The following TJP2 variants were observed in gnomAD, a reference collection of about 807,000 sequenced individuals.
TJP2 encodes the protein Friedreich ataxia region gene X104 (tight junction protein ZO-2).
A neutral mutation model predicts 133.1 loss-of-function variants in TJP2; 91 were observed. That is an observed-to-expected ratio of 0.68 (90% CI 0.58 to 0.81). The LOEUF is 0.81. Ranked by LOEUF, TJP2 falls within the 40% of genes least tolerant of loss-of-function variation. TJP2 has a pLI of 0.00. For missense variants in TJP2, 1,541 were observed against 1,565.6 expected, an observed-to-expected ratio of 0.98 and a Z score of 0.26; for synonymous variants, 592 against 583.4, an observed-to-expected ratio of 1.01 and a Z score of -0.21.
In TJP2 at chr9:69,236,082, A is replaced by G. The variant is rs1830166546; in HGVS notation, c.1835A>G (p.His612Arg). The change falls in exon 13 of 23, where the codon CAC (histidine) becomes CGC (arginine). Residue 612 changes from histidine (H) to arginine (R), a missense_variant. By Grantham distance (29) the His-to-Arg change is conservative. Coordinates refer to ENST00000377245, the MANE Select transcript of TJP2 (RefSeq NM_004817.4). The part of the protein sequence containing the change: ...GRGDSFFIRS[H>R]FECEKETPQS... ...GGGGATTCGTTTTTTATAAGAAGCCACTTTGAATGTGAGAAGGAAACTCCA... is the reference window on the plus strand; with the variant it reads ...GGGGATTCGTTTTTTATAAGAAGCCGCTTTGAATGTGAGAAGGAAACTCCA... 1 of 1,614,072 alleles carries G rather than the reference A, an allele frequency of 6.2e-7. No homozygotes were observed. The highest frequency in any genetic ancestry group is 1.3e-5 in the African/African-American group (1 of 74,920).
At chr9:69,195,707 A>T (rs1419955731) in intron 1 of TJP2, among the ~76,000 whole-genome samples, 1 of 152,198 alleles carries the variant, frequency 6.6e-6, no homozygotes, top group Non-Finnish European at 1.5e-5. Context: ...GTGTTCACAA[A>T]GGCGTAGGCA....
At chr9:69,152,399 G>A (rs561662664) in intron 2 of TJP2, among the ~76,000 whole-genome samples, 1 of 152,256 alleles carries the variant, frequency 6.6e-6, no homozygotes, top group African/African-American at 2.4e-5. Flanking sequence ...ATGGCTAGCT[G>A]GAATGGGGTT....
At chr9:69,150,493 C>T (rs1430701401) in intron 1 of TJP2, among the ~76,000 whole-genome samples, 3 of 151,768 alleles carry the variant, frequency 2.0e-5, no homozygotes, top group East Asian at 1.9e-4. Flanking sequence ...GGGGTTTCAC[C>T]ATGTTGGCCA....
chr9:69,246,763 A>G lies in TJP2; in HGVS notation c.2640A>G (p.Gly880=), dbSNP rs897244187. 7 of 1,614,038 alleles carry G rather than the reference A, an allele frequency of 4.3e-6. No individual in the cohort carries two copies. The highest frequency in any genetic ancestry group is 8.5e-7 in the Non-Finnish European group (1 of 1,180,026). Residue 880 remains glycine (G), a synonymous_variant, in exon 18 of 23, where the codon GGA becomes GGG. Coordinates refer to ENST00000377245, the MANE Select transcript of TJP2 (RefSeq NM_004817.4). ...AGGACACTATTCAGCATCAGCAAGGAGAAGCGGTTTGGGTCTCTGAAGGAA... is the reference window on the plus strand; with the variant it reads ...AGGACACTATTCAGCATCAGCAAGGGGAAGCGGTTTGGGTCTCTGAAGGAA... The part of the protein sequence containing the change: ...SLKDTIQHQQ[G]EAVWVSEGKM...
At chr9:69,198,000 G>A (rs1342683273) in intron 1 of TJP2, among the ~76,000 whole-genome samples, 1 of 152,202 alleles carries the variant, frequency 6.6e-6, no homozygotes, top group Non-Finnish European at 1.5e-5. Context: ...TTGAGTGAGC[G>A]CCCAAGCTCA....
intron 2 of TJP2, among the ~76,000 whole-genome samples, chr9:69,155,161 G>T (rs1412959918): frequency 6.2e-5 from 9 of 145,208 alleles, no homozygotes; most frequent in African/African-American, 2.3e-4. Flanking sequence ...AGAGATTGCA[G>T]TGAGCCGAGA....
intron 17 of TJP2, among the ~76,000 whole-genome samples, chr9:69,243,286 CT>C (rs1157589295): frequency 2.0e-5 from 3 of 152,206 alleles, no homozygotes; most frequent in Non-Finnish European, 4.4e-5. Context: ...GCATTAGTCT[CT>C]TTAGGCTCAA....
chr9:69,236,556 G>A (rs1330760833), intron 13 of TJP2, among the ~76,000 whole-genome samples: 1 of 152,074 alleles, frequency 6.6e-6, no homozygotes, highest in Non-Finnish European at 1.5e-5. Flanking sequence ...TAGAGACAAG[G>A]TACCCTTGTC....
chr9:69,150,077 G>A (rs983089686), intron 1 of TJP2, among the ~76,000 whole-genome samples: 1 of 151,990 alleles, frequency 6.6e-6, no homozygotes, highest in Non-Finnish European at 1.5e-5. Flanking sequence ...TTGAACCCAG[G>A]AGGCGGTGGT....
rs140616963 is a variant in TJP2, at chr9:69,129,380, C to T, written c.-131+7655C>T. Among the ~76,000 whole-genome samples the T allele has an allele frequency of 2.4e-3, 370 of 151,670 alleles. 3 individuals carry two copies. The highest frequency in any genetic ancestry group is 3.4e-3 in the Non-Finnish European group (233 of 67,886). On this transcript the variant is annotated intron_variant, in intron 1 of 5. Coordinates refer to the TJP2 transcript ENST00000423935. Reference sequence around the variant, plus strand: ...ATGAAAAATTAGCCAGGCATGGTGGCGTGTGCTGTCCTTCCAGCTACTCAG... The same window carrying T: ...ATGAAAAATTAGCCAGGCATGGTGGTGTGTGCTGTCCTTCCAGCTACTCAG...
chr9:69,194,072 TACTG>T (rs1246005875), intron 1 of TJP2, among the ~76,000 whole-genome samples: 1 of 152,226 alleles, frequency 6.6e-6, no homozygotes, highest in African/African-American at 2.4e-5. Flanking sequence ...TTGTGTCTCT[TACTG>T]ACAGCTGGTT....
In TJP2 at chr9:69,152,303, A is replaced by C. The variant is rs1336343481; in HGVS notation, c.-10+532A>C. Among the ~76,000 whole-genome samples the C allele has an allele frequency of 2.0e-5, 3 of 152,214 alleles. No individual in the cohort carries two copies. The East Asian group carries it at 5.8e-4, about 29-fold the overall frequency. ...TGATTCACTTTTAAGAGTGAATCAA[A>C]TGAGATTTACAAGGTCTTAAATTTT... On this transcript the variant is annotated intron_variant, in intron 2 of 5. Transcript: ENST00000423935.
intron 1 of TJP2, among the ~76,000 whole-genome samples, chr9:69,136,579 A>G (rs1822741025): frequency 6.6e-6 from 1 of 152,208 alleles, no homozygotes. Flanking sequence ...GAAATATTTT[A>G]CAGGAAAATT....
At chr9:69,174,500 C>A (rs1023513709) in intron 1 of TJP2, 68 bp downstream of exon 1, 1 of 1,465,790 alleles carries the variant, frequency 6.8e-7, no homozygotes. Flanking sequence ...GCGCTGGGGG[C>A]TCTGCTCGCG....
At chr9:69,179,653 C>T (rs1825352382) in intron 1 of TJP2, among the ~76,000 whole-genome samples, 1 of 152,010 alleles carries the variant, frequency 6.6e-6, no homozygotes, top group South Asian at 2.1e-4. Context: ...GCGCCCGCCA[C>T]CACGCCCGGC....
chr9:69,183,061 T>A (rs1587992538), intron 1 of TJP2, among the ~76,000 whole-genome samples: 1 of 152,070 alleles, frequency 6.6e-6, no homozygotes, highest in East Asian at 1.9e-4. Context: ...CCTCCCAAAG[T>A]GCTGGAATTA....
chr9:69,158,911 A>G (rs190185190), intron 2 of TJP2, among the ~76,000 whole-genome samples: 184 of 152,250 alleles, frequency 1.2e-3, no homozygotes, highest in Non-Finnish European at 1.2e-3. Context: ...AGTTCAGTCA[A>G]AATTTTTATT....
chr9:69,240,525 T>C (rs1019021154), intron 17 of TJP2, among the ~76,000 whole-genome samples: 2 of 152,198 alleles, frequency 1.3e-5, no homozygotes, highest in Non-Finnish European at 2.9e-5. Flanking sequence ...GAAAGGAACT[T>C]GGTTTCATTA....
At chr9:69,137,444 T>C (rs1388156086) in intron 1 of TJP2, among the ~76,000 whole-genome samples, 1 of 147,478 alleles carries the variant, frequency 6.8e-6, no homozygotes, top group Non-Finnish European at 1.5e-5. Context: ...CTCACTGCAA[T>C]GTCTGCCTCC....
Sources: allele counts gnomAD v4.1 joint callset (sites outside exome capture counted in the v4.1 genomes callset), GRCh38; gene constraint gnomAD v4.1.1; transcripts MANE v1.5; gene names NCBI Gene and HGNC (gene_info 2026-07-23, HGNC 2026-07-21).